Variants in STOX1 observed in about 807,000 individuals in gnomAD.
STOX1 encodes the protein storkhead box 1.
A neutral mutation model predicts 74.8 loss-of-function variants in STOX1; 57 were observed. The observed-to-expected ratio is 0.76, with a 90% CI of 0.62 to 0.95. The LOEUF (loss-of-function observed/expected upper bound fraction) is 0.95, where lower values mean the gene tolerates loss of function less well. STOX1 is among the 40% of genes least tolerant of loss of function. The probability of loss-of-function intolerance (pLI) is 0.00; values close to 1 mark genes in which losing one functional copy is unlikely to be tolerated. For synonymous variants in STOX1, 375 were observed against 401.3 expected (o/e 0.93, Z 0.78); for missense variants, 1,010 against 1,117.0 (o/e 0.90, Z 1.37).
chr10:68,894,013 T>C (rs1589241583), downstream of STOX1, among the ~76,000 whole-genome samples: 2 of 152,218 alleles, frequency 1.3e-5, no homozygotes, highest in South Asian at 4.1e-4. Context: ...GGTTTCAGCA[T>C]GTCGAGAAGA....
At chr10:68,837,443 G>T (rs1839583185) in intron 1 of STOX1, among the ~76,000 whole-genome samples, 1 of 152,200 alleles carries the variant, frequency 6.6e-6, no homozygotes, top group Non-Finnish European at 1.5e-5. Context: ...AATGGGCCCT[G>T]AGTACTCTAC....
chr10:68,845,774 G>A (rs1374322137), intron 1 of STOX1, among the ~76,000 whole-genome samples: 1 of 151,240 alleles, frequency 6.6e-6, no homozygotes, highest in African/African-American at 2.4e-5. Flanking sequence ...GCTAATTTTT[G>A]TATTTTTAGT....
intron 3 of STOX1, among the ~76,000 whole-genome samples, chr10:68,888,627 ATTTTT>A (rs747038041): frequency 9.3e-6 from 1 of 107,832 alleles, no homozygotes; most frequent in African/African-American, 3.8e-5. Context: ...CTTTGCCAGT[ATTTTT>A]TTTTTTTTTT....
intron 1 of STOX1, among the ~76,000 whole-genome samples, chr10:68,844,668 G>A (rs1032878732): frequency 1.3e-5 from 2 of 152,200 alleles, no homozygotes; most frequent in Admixed American, 6.5e-5. Flanking sequence ...TTATTAAATT[G>A]TAGGATTTCT....
intron 1 of STOX1, among the ~76,000 whole-genome samples, chr10:68,852,097 G>A (rs956438099): frequency 1.3e-5 from 2 of 151,960 alleles, no homozygotes; most frequent in South Asian, 2.1e-4. Flanking sequence ...TTGTGCCACC[G>A]CACTCCAGCC....
chr10:68,843,477 A>G (rs968189348), intron 1 of STOX1, among the ~76,000 whole-genome samples: 2 of 152,172 alleles, frequency 1.3e-5, no homozygotes, highest in Non-Finnish European at 2.9e-5. Flanking sequence ...TCGTGCCATC[A>G]ATGTATGAGA....
At chr10:68,843,461 TTGCAATCG>T (rs1839745849) in intron 1 of STOX1, among the ~76,000 whole-genome samples, 2 of 152,212 alleles carry the variant, frequency 1.3e-5, no homozygotes, top group African/African-American at 4.8e-5. Context: ...TTGTACCACT[TTGCAATCG>T]TGCCATCAAT....
At chr10:68,872,462 C>T (rs1840560489) in intron 1 of STOX1, among the ~76,000 whole-genome samples, 1 of 150,848 alleles carries the variant, frequency 6.6e-6, no homozygotes, top group Non-Finnish European at 1.5e-5. Context: ...TCTCCTGCTT[C>T]AGCCTCCAGT....
At chr10:68,844,875 G>A (rs1839796336) in intron 1 of STOX1, among the ~76,000 whole-genome samples, 1 of 150,464 alleles carries the variant, frequency 6.6e-6, no homozygotes, top group African/African-American at 2.4e-5. Context: ...TGATTCTCCG[G>A]CCTCAGCCTC....
At chr10:68,866,388 G>GT (rs1840405069) in intron 1 of STOX1, among the ~76,000 whole-genome samples, 1 of 152,130 alleles carries the variant, frequency 6.6e-6, no homozygotes, top group African/African-American at 2.4e-5. Context: ...TCCCTGAATA[G>GT]TTTTTTCACA....
chr10:68,850,796 A>G (rs1420379375), intron 1 of STOX1, among the ~76,000 whole-genome samples: 2 of 150,210 alleles, frequency 1.3e-5, no homozygotes, highest in East Asian at 4.0e-4. Context: ...ACTTGGTGAA[A>G]TCCTGTCTCC....
intron 1 of STOX1, among the ~76,000 whole-genome samples, chr10:68,870,837 T>C (rs1271967203): frequency 6.6e-6 from 1 of 152,192 alleles, no homozygotes; most frequent in African/African-American, 2.4e-5. Flanking sequence ...GGAACTGATA[T>C]CTGCCAAAAA....
chr10:68,837,085 G>A (rs1165710400), intron 1 of STOX1, among the ~76,000 whole-genome samples: 1 of 152,208 alleles, frequency 6.6e-6, no homozygotes, highest in Non-Finnish European at 1.5e-5. Flanking sequence ...GGTCCATACA[G>A]AGGGGCAAAA....
intron 1 of STOX1, among the ~76,000 whole-genome samples, chr10:68,833,243 G>A (rs903317074): frequency 2.0e-5 from 3 of 151,888 alleles, no homozygotes; most frequent in African/African-American, 4.8e-5. Flanking sequence ...GTGCCAGCAC[G>A]CCCGGCTAAG....
At chr10:68,850,165 C>T (rs936447069) in intron 1 of STOX1, among the ~76,000 whole-genome samples, 8 of 152,120 alleles carry the variant, frequency 5.3e-5, no homozygotes, top group Non-Finnish European at 1.2e-4. Flanking sequence ...CAGGCCACCA[C>T]GCTTGGCTAA....
At chr10:68,879,665 A>G (rs1000710482) in intron 1 of STOX1, among the ~76,000 whole-genome samples, 5 of 152,136 alleles carry the variant, frequency 3.3e-5, no homozygotes, top group Admixed American at 6.5e-5. Flanking sequence ...TTTATGATCT[A>G]TTTCTCCTTA....
In STOX1 at chr10:68,882,005, G is replaced by A. The variant is rs751546020; in HGVS notation, c.358G>A (p.Val120Ile). The A allele has an allele frequency of 9.3e-6, 15 of 1,613,346 alleles. 1 individual carries two copies. The highest frequency in any genetic ancestry group is 3.3e-4 in the Middle Eastern group (2 of 6,078). Residue 120 changes from valine (V) to isoleucine (I), a missense_variant, in exon 2 of 4, where the codon GTA becomes ATA. Physicochemically the swap from Val to Ile is conservative, Grantham distance 29 (BLOSUM62 3). Transcript: ENST00000298596. ...GAATCCAATAACTCAATCTCAGTTC[G>A]TACCTTTGGGTGAAGTTCTTTGCTG... is the stretch of plus-strand genomic sequence containing the variant. Reference protein sequence around the residue: ...QMNPITQSQFVPLGEVLCCAI... With the variant: ...QMNPITQSQFIPLGEVLCCAI...
At chr10:68,852,420 G>A (rs1395335908) in intron 1 of STOX1, among the ~76,000 whole-genome samples, 9 of 150,908 alleles carry the variant, frequency 6.0e-5, no homozygotes, top group East Asian at 2.0e-4. Flanking sequence ...CACCGCACCC[G>A]GCTAATTTTT....
intron 1 of STOX1, among the ~76,000 whole-genome samples, chr10:68,855,517 C>T (rs185260248): frequency 2.3e-4 from 35 of 151,806 alleles, no homozygotes; most frequent in African/African-American, 6.8e-4. Flanking sequence ...CAGTTCACTG[C>T]GGCCTCGACC....
Sources: allele counts gnomAD v4.1 joint callset (sites outside exome capture counted in the v4.1 genomes callset), GRCh38; gene constraint gnomAD v4.1.1; transcripts MANE v1.5; gene names NCBI Gene and HGNC (gene_info 2026-07-23, HGNC 2026-07-21).